Variants in PRTG observed in about 807,000 individuals in gnomAD.
PRTG encodes protogenin, also known as immunoglobulin superfamily, DCC subclass, member 5.
PRTG carries 67 observed loss-of-function variants against 122.5 expected under a neutral mutation model. The ratio of observed to expected loss-of-function variants is 0.55; its 90% CI spans 0.45 to 0.67. The LOEUF is 0.67. PRTG is among the 30% of genes least tolerant of loss of function. The pLI is 0.00. For synonymous variants in PRTG, 554 were observed against 501.1 expected (o/e 1.11, Z -1.41); for missense variants, 1,435 against 1,415.4 (o/e 1.01, Z -0.22).
chr15:55,738,497 T>A (rs2031506711), intron 2 of PRTG: 1 of 701,284 alleles, frequency 1.4e-6, no homozygotes, highest in Non-Finnish European at 2.6e-6. Flanking sequence ...GTACTCCCTA[T>A]CCCTGAAAGA....
intron 2 of PRTG, among the ~76,000 whole-genome samples, chr15:55,732,560 T>G (rs1274147516): frequency 6.8e-6 from 1 of 146,828 alleles, no homozygotes; most frequent in African/African-American, 2.5e-5. Context: ...AATGGCGCGA[T>G]CTCAGCTTAC....
At chr15:55,725,384 A>G (rs2030988747) in intron 2 of PRTG, among the ~76,000 whole-genome samples, 1 of 152,212 alleles carries the variant, frequency 6.6e-6, no homozygotes, top group Non-Finnish European at 1.5e-5. Flanking sequence ...AGAGACAAAA[A>G]AAGGTATAAG....
intron 2 of PRTG, among the ~76,000 whole-genome samples, chr15:55,688,105 G>A (rs1018780806): frequency 1.1e-4 from 16 of 152,196 alleles, no homozygotes; most frequent in African/African-American, 1.7e-4. Flanking sequence ...ATCACGTTAC[G>A]TGATCCGTCT....
chr15:55,706,802 G>A (rs540643658), intron 2 of PRTG, among the ~76,000 whole-genome samples: 1 of 152,140 alleles, frequency 6.6e-6, no homozygotes, highest in East Asian at 1.9e-4. Flanking sequence ...GAGCGAGGCA[G>A]GGTAGAGACA....
At chr15:55,620,381 C>A (rs1384873127) in intron 19 of PRTG, 115 bp from the exon 20 acceptor site, 2 of 1,503,570 alleles carry the variant, frequency 1.3e-6, no homozygotes, top group Non-Finnish European at 1.8e-6. Context: ...CCGTGGCAAG[C>A]GAAGTGTCAA....
At position 55,613,798 on chromosome 15, in the gene PRTG, T is replaced by C. The variant is rs950275060; in HGVS notation, c.*6214A>G. 1 of 142,792 alleles carries C rather than the reference T, an allele frequency of 7.0e-6. No homozygotes were observed. Among genetic ancestry groups the C allele is most frequent in the Non-Finnish European group, 1.5e-5 (1 of 66,126 alleles). 8.8% of individuals were successfully genotyped at this position (142,792 alleles called of 1,614,324 possible). On this transcript the variant is annotated 3_prime_UTR_variant, in exon 20 of 20. Transcript: ENST00000389286. ...TTTTTTTTTAAGCTGAGACAATGTA[T>C]CATAGTCCTATACACTTCTGAGTAA...
At chr15:55,624,754 C>T (rs1244392149) in intron 17 of PRTG, among the ~76,000 whole-genome samples, 12 of 152,138 alleles carry the variant, frequency 7.9e-5, no homozygotes, top group African/African-American at 2.7e-4. Flanking sequence ...AGTATTGTTG[C>T]TTATTCATAA....
Position 55,620,690 on chromosome 15 carries a change from T to C in PRTG, c.3171A>G (p.Gln1057=), listed in dbSNP as rs2059161434. 6.3e-7 allele frequency: 1 copy of C among 1,599,298 alleles called. No homozygotes were observed. The highest frequency in any genetic ancestry group is 8.5e-7 in the Non-Finnish European group (1 of 1,176,666). The part of the protein sequence containing the change: ...NNSKKKWFFF[Q]DSKKIQVEQP... Reference sequence around the variant, plus strand: ...GCTCAACTTGTATCTTCTTTGAGTCTTGGAAAAAAAACCACTTTTTCTTAG... The same window carrying C: ...GCTCAACTTGTATCTTCTTTGAGTCCTGGAAAAAAAACCACTTTTTCTTAG... The change falls in exon 19 of 20, where the codon CAA becomes CAG. Residue 1057 remains glutamine, a synonymous_variant. Transcript: ENST00000389286.
chr15:55,705,069 A>G (rs1039093460), intron 2 of PRTG, among the ~76,000 whole-genome samples: 11 of 152,170 alleles, frequency 7.2e-5, no homozygotes, highest in South Asian at 2.1e-4. Context: ...GGTAAATAAT[A>G]TTACTTTTAT....
chr15:55,711,630 C>T (rs2030391529), intron 2 of PRTG, among the ~76,000 whole-genome samples: 1 of 152,130 alleles, frequency 6.6e-6, no homozygotes. Context: ...TCCTTTCACC[C>T]CAACCAACAA....
At chr15:55,680,285 C>T (rs2059530128) in intron 5 of PRTG, 73 bp from the exon 6 acceptor site, 2 of 1,244,294 alleles carry the variant, frequency 1.6e-6, no homozygotes, top group African/African-American at 1.5e-5. Context: ...GACCACTATC[C>T]AAGCAATCAA....
At position 55,617,565 on chromosome 15, in the gene PRTG, AATT is replaced by A. The variant is rs1300888300; in HGVS notation, c.*2444_*2446del. ...TCTACTGAAAATTCTTTGGTAACAG[AATT>A]ATTATGAAAAAGTCCGTATAAGAAC... is the stretch of plus-strand genomic sequence containing the variant. On this transcript the variant is annotated 3_prime_UTR_variant, in exon 20 of 20. Transcript: ENST00000389286. 1 of 152,144 alleles carries A rather than the reference AATT, an allele frequency of 6.6e-6. No individual in the cohort carries two copies. The highest frequency in any genetic ancestry group is 1.5e-5 in the Non-Finnish European group (1 of 67,994). The allele number at this position is 152,144 out of a possible 1,614,324, so 9.4% of individuals were successfully genotyped here.
chr15:55,679,786 C>T (rs773603727), intron 6 of PRTG: 12 of 455,148 alleles, frequency 2.6e-5, no homozygotes, highest in Admixed American at 3.8e-5. Flanking sequence ...AATAGGTACA[C>T]GGATATGTGT....
intron 6 of PRTG, chr15:55,679,678 T>A: frequency 2.2e-6 from 1 of 450,156 alleles, no homozygotes; most frequent in Non-Finnish European, 3.9e-6. Context: ...ACTTAAAATA[T>A]ATGTACCTAT....
intron 2 of PRTG, among the ~76,000 whole-genome samples, chr15:55,737,426 T>C (rs1259580638): frequency 6.6e-5 from 10 of 152,158 alleles, no homozygotes; most frequent in African/African-American, 1.4e-4. Flanking sequence ...CTCCAGGCCT[T>C]TGGGGAGGAA....
In PRTG at chr15:55,615,002, T is replaced by A. The variant is rs986107721; in HGVS notation, c.*5010A>T. ...GTTGAGGAACTTCAGTTGGGGAGATTATCCTGGATTATTTAGGTGGGCTCA... is the reference window on the plus strand; with the variant it reads ...GTTGAGGAACTTCAGTTGGGGAGATAATCCTGGATTATTTAGGTGGGCTCA... On this transcript the variant is annotated 3_prime_UTR_variant, in exon 20 of 20. Transcript: ENST00000389286. The A allele has an allele frequency of 5.9e-5, 9 of 152,098 alleles. No homozygotes were observed. The highest frequency in any genetic ancestry group is 3.9e-4 in the Admixed American group (6 of 15,248). 9.4% of individuals were successfully genotyped at this position (152,098 alleles called of 1,614,324 possible).
chr15:55,625,940 A>G (rs150875147), intron 17 of PRTG, among the ~76,000 whole-genome samples: 1 of 152,004 alleles, frequency 6.6e-6, no homozygotes, highest in East Asian at 1.9e-4. Flanking sequence ...TTTTGTAGAG[A>G]TAAGATCTCA....
chr15:55,667,010 TAGA>T (rs1263530736), intron 11 of PRTG, among the ~76,000 whole-genome samples: 1 of 152,148 alleles, frequency 6.6e-6, no homozygotes, highest in Non-Finnish European at 1.5e-5. Context: ...GTTTCTATAA[TAGA>T]ACATTGTAAA....
At chr15:55,643,001 A>G (rs1357188446) in intron 11 of PRTG, among the ~76,000 whole-genome samples, 3 of 152,078 alleles carry the variant, frequency 2.0e-5, no homozygotes, top group South Asian at 2.1e-4. Flanking sequence ...TGAGCCCAGG[A>G]GGTGGAGACT....
Sources: allele counts gnomAD v4.1 joint callset (sites outside exome capture counted in the v4.1 genomes callset), GRCh38; gene constraint gnomAD v4.1.1; transcripts MANE v1.5; gene names NCBI Gene and HGNC (gene_info 2026-07-23, HGNC 2026-07-21).